The following LRRD1 variants were observed in gnomAD, a reference collection of about 807,000 sequenced individuals.
The protein encoded by LRRD1 is leucine rich repeats and death domain containing 1.
A neutral mutation model predicts 69.5 loss-of-function variants in LRRD1; 49 were observed. That is an observed-to-expected ratio of 0.70 (90% CI 0.56 to 0.89). LRRD1 has a LOEUF of 0.89. Ranked by LOEUF, LRRD1 falls within the 40% of genes least tolerant of loss-of-function variation. LRRD1 has a pLI of 0.00. For missense variants in LRRD1, 853 were observed against 956.0 expected (o/e 0.89, Z 1.42); for synonymous variants, 303 against 338.9 (o/e 0.89, Z 1.16).
At chr7:92,152,757 A>C (rs1238549655) in intron 3 of LRRD1, among the ~76,000 whole-genome samples, 3 of 145,394 alleles carry the variant, frequency 2.1e-5, no homozygotes, top group African/African-American at 7.7e-5. Flanking sequence ...TGCAACCTCC[A>C]CCTCCCGGGT....
At chr7:92,158,438 CAT>C (rs903747630) in intron 3 of LRRD1, among the ~76,000 whole-genome samples, 2 of 151,900 alleles carry the variant, frequency 1.3e-5, no homozygotes, top group African/African-American at 4.8e-5. Context: ...CATATATGTG[CAT>C]ATATATGTGT....
At chr7:92,177,022 T>G (rs1789213551) in intron 1 of LRRD1, among the ~76,000 whole-genome samples, 1 of 148,670 alleles carries the variant, frequency 6.7e-6, no homozygotes, top group Non-Finnish European at 1.5e-5. Context: ...AATTTATTAC[T>G]TATACAAGTA....
At chr7:92,162,250 T>C (rs1788807740) in intron 2 of LRRD1, among the ~76,000 whole-genome samples, 1 of 152,218 alleles carries the variant, frequency 6.6e-6, no homozygotes, top group Admixed American at 6.5e-5. Context: ...TGGGAATATT[T>C]TGGGAAAATT....
At position 92,164,749 on chromosome 7, in the gene LRRD1, C is replaced by A. The variant is rs1406371624; in HGVS notation, c.454G>T (p.Gly152Cys). The A allele has an allele frequency of 1.3e-6, 2 of 1,550,932 alleles. No individual in the cohort carries two copies. The highest frequency in any genetic ancestry group is 1.4e-5 in the African/African-American group (1 of 72,942). Reference protein sequence around the residue: ...DNFTVNLEAKGLQEFPKDILK... With the variant: ...DNFTVNLEAKCLQEFPKDILK... ...ATGTCCTTAGGAAATTCCTGTAAAC[C>A]CTTGGCCTCAAGGTTAACTGTAAAG... The change falls in exon 2 of 6, where the codon GGT becomes TGT. Residue 152 changes from glycine (G) to cysteine (C), a missense_variant. Gly to Cys is a radical substitution (Grantham distance 159, BLOSUM62 -3). This residue lies in a region of LRRD1 where 739 missense variants were observed against 808.0 expected (regional missense o/e 0.91). Transcript: ENST00000458448.
intron 3 of LRRD1, among the ~76,000 whole-genome samples, chr7:92,157,734 C>A (rs544698114): frequency 1.3e-5 from 2 of 151,122 alleles, no homozygotes; most frequent in Non-Finnish European, 2.9e-5. Context: ...CCCCACCACA[C>A]CTGACTAATT....
chr7:92,142,842 T>G (rs6951987), downstream of LRRD1: 1 of 410,950 alleles, frequency 2.4e-6, no homozygotes, highest in Non-Finnish European at 4.8e-6. Context: ...GCGTGTTGAG[T>G]GTTACAGCTC....
intron 2 of LRRD1, 68 bp from the exon 3 acceptor site, chr7:92,159,271 T>C (rs932434701): frequency 9.1e-5 from 94 of 1,031,144 alleles, no homozygotes; most frequent in Middle Eastern, 2.8e-4. Context: ...AAACTTCTTC[T>C]AAAATCAAAT....
At chr7:92,145,210 AAACCAATTTTATCAGACTG>A (rs1408282212) in intron 5 of LRRD1, 136 bp from the exon 6 acceptor site, 1 of 422,800 alleles carries the variant, frequency 2.4e-6, no homozygotes, top group African/African-American at 2.1e-5. Flanking sequence ...CTAGGTTTTC[AAACCAATTTTATCAGACTG>A]AAGTGAGGAT....
At chr7:92,143,060 C>T (rs1041582374), downstream of LRRD1, 23 of 196,098 alleles carry the variant, frequency 1.2e-4, no homozygotes, top group Admixed American at 8.1e-4. Flanking sequence ...TTTGACAGGG[C>T]GCTGATTGGT....
chr7:92,162,744 G>C (rs951035410), intron 2 of LRRD1, among the ~76,000 whole-genome samples: 3 of 151,976 alleles, frequency 2.0e-5, no homozygotes, highest in Non-Finnish European at 4.4e-5. Flanking sequence ...TCATGTACTG[G>C]TTATAACAAT....
chr7:92,175,516 C>G (rs1169629849), intron 1 of LRRD1, among the ~76,000 whole-genome samples: 1 of 152,006 alleles, frequency 6.6e-6, no homozygotes, highest in Non-Finnish European at 1.5e-5. Context: ...GGCATGGTGG[C>G]GCACGGCTGT....
At position 92,145,046 on chromosome 7, in the gene LRRD1, G is replaced by A; in HGVS notation, c.2425C>T (p.Gln809Ter). 1 of 1,502,226 alleles carries A rather than the reference G, an allele frequency of 6.7e-7. No homozygotes were observed. Among genetic ancestry groups the A allele is most frequent in the Non-Finnish European group, 8.9e-7 (1 of 1,118,794 alleles). The allele number at this position is 1,502,226 out of a possible 1,614,324, so 93.1% of individuals were successfully genotyped here. A position where few individuals can be genotyped will look rare whatever the true frequency, so the allele number is the denominator to read the frequency against. The part of the protein sequence containing the change: ...STVSLSERAH[Q>*]ALVIWKTQSN... ...TGTGTTTTCCATATAACAAGTGCTT[G>A]GTGGGCTCTCTCACTTAATGAAACA... The change falls in exon 6 of 6, where the codon CAA (glutamine) becomes TAA (stop). Residue 809 changes from glutamine to a stop codon, truncating the protein, a stop_gained. Coordinates refer to ENST00000458448, the MANE Select transcript of LRRD1 (RefSeq NM_001161528.2). LOFTEE classifies it high-confidence loss of function.
At chr7:92,169,372 G>C (rs945000062) in intron 1 of LRRD1, among the ~76,000 whole-genome samples, 1 of 152,024 alleles carries the variant, frequency 6.6e-6, no homozygotes, top group African/African-American at 2.4e-5. Context: ...GAACTGAGAG[G>C]CTGGGCACGG....
chr7:92,147,320 G>A (rs951925724), intron 4 of LRRD1, among the ~76,000 whole-genome samples: 2 of 151,940 alleles, frequency 1.3e-5, no homozygotes, highest in South Asian at 2.1e-4. Flanking sequence ...CGCCCTCCTC[G>A]GCCTCCCAAA....
downstream of LRRD1, chr7:92,142,407 G>A (rs943355785): frequency 7.1e-5 from 32 of 453,412 alleles, no homozygotes; most frequent in Non-Finnish European, 1.2e-4. Flanking sequence ...TCCAGCTCTC[G>A]GCAGACTACT....
At chr7:92,162,695 A>G (rs1327899556) in intron 2 of LRRD1, among the ~76,000 whole-genome samples, 1 of 152,194 alleles carries the variant, frequency 6.6e-6, no homozygotes, top group African/African-American at 2.4e-5. Flanking sequence ...AAAAATTATA[A>G]CATTCCTAAA....
At chr7:92,166,900 A>G (rs1788923218) in intron 1 of LRRD1, among the ~76,000 whole-genome samples, 1 of 152,174 alleles carries the variant, frequency 6.6e-6, no homozygotes, top group African/African-American at 2.4e-5. Context: ...TTAACATTGT[A>G]CTGAGATAGT....
At chr7:92,147,337 G>C (rs1462743216) in intron 4 of LRRD1, among the ~76,000 whole-genome samples, 1 of 152,178 alleles carries the variant, frequency 6.6e-6, no homozygotes, top group East Asian at 1.9e-4. Context: ...CAAAGTGCTG[G>C]GATTAAAGGC....
intron 3 of LRRD1, among the ~76,000 whole-genome samples, chr7:92,153,700 C>T (rs2130991596): frequency 6.6e-6 from 1 of 151,044 alleles, no homozygotes; most frequent in Non-Finnish European, 1.5e-5. Flanking sequence ...GGCATGGTGG[C>T]AGGCGCCTGT....
Sources: allele counts gnomAD v4.1 joint callset (sites outside exome capture counted in the v4.1 genomes callset), GRCh38; gene constraint gnomAD v4.1.1; regional missense constraint gnomAD v4.1.1; transcripts MANE v1.5; gene names NCBI Gene and HGNC (gene_info 2026-07-23, HGNC 2026-07-21).